DSCAML1: variants seen among roughly 807,000 people sequenced by gnomAD.
DSCAML1 encodes the protein cell adhesion molecule DSCAML1.
A neutral mutation model predicts 200.5 loss-of-function variants in DSCAML1; 38 were observed. That is an observed-to-expected ratio of 0.19 (90% CI 0.15 to 0.25). The LOEUF is 0.25. Among genes scored for constraint, DSCAML1 ranks in the 10% least tolerant of loss-of-function variants. The pLI, the probability that DSCAML1 is intolerant of heterozygous loss-of-function variation, is 1.00. For synonymous variants in DSCAML1, 1,215 were observed against 1,165.0 expected, an observed-to-expected ratio of 1.04 and a Z score of -0.87; for missense variants, 2,223 against 2,858.8, an observed-to-expected ratio of 0.78 and a Z score of 5.07.
intron 14 of DSCAML1, among the ~76,000 whole-genome samples, chr11:117,473,788 C>T (rs1237622393): frequency 6.6e-6 from 1 of 152,180 alleles, no homozygotes; most frequent in Non-Finnish European, 1.5e-5. Context: ...TATTTTAAAA[C>T]ACCCTAACCA....
chr11:117,793,039 C>A (rs1437834995), intron 1 of DSCAML1, among the ~76,000 whole-genome samples: 1 of 152,210 alleles, frequency 6.6e-6, no homozygotes, highest in African/African-American at 2.4e-5. Flanking sequence ...CTTCCCCACC[C>A]CCTTCCATGC....
intron 8 of DSCAML1, among the ~76,000 whole-genome samples, chr11:117,511,681 C>T (rs2049621300): frequency 6.6e-6 from 1 of 152,170 alleles, no homozygotes. Context: ...TCTGCTCCTC[C>T]CACTTTACTG....
At chr11:117,609,953 T>G (rs2051653838) in intron 3 of DSCAML1, among the ~76,000 whole-genome samples, 1 of 152,150 alleles carries the variant, frequency 6.6e-6, no homozygotes, top group South Asian at 2.1e-4. Context: ...CTTGCCCCTG[T>G]GCTCCTCAGA....
chr11:117,773,308 TGTGTTCCAGCTCCTGCTG>T lies in DSCAML1; in HGVS notation c.511+3465_511+3482del, dbSNP rs1427002603. On this transcript the variant is annotated intron_variant, in intron 3 of 32. Transcript: ENST00000651296. ...CCCACACCAGTCTCCCTGCTCCTTC[TGTGTTCCAGCTCCTGCTG>T]GACTTGTGGTTTGTGAAGCTGAGCC... 5.9e-5 allele frequency among the ~76,000 whole-genome samples: 9 copies of T among 152,290 alleles called. No homozygotes were observed. In the East Asian group the frequency reaches 9.7e-4, roughly 16 times the overall value.
intron 3 of DSCAML1, among the ~76,000 whole-genome samples, chr11:117,767,954 A>G (rs1280864144): frequency 6.6e-6 from 1 of 152,056 alleles, no homozygotes; most frequent in African/African-American, 2.4e-5. Context: ...ATACATGTCT[A>G]TTGCCTCCCC....
chr11:117,558,493 C>T (rs1165251633), intron 3 of DSCAML1, among the ~76,000 whole-genome samples: 3 of 152,234 alleles, frequency 2.0e-5, no homozygotes, highest in East Asian at 1.9e-4. Flanking sequence ...TGGCTGGGCA[C>T]GGTGGCTCAC....
Position 117,432,349 on chromosome 11 carries a change from T to C in DSCAML1, c.5179+3A>G. On this transcript the variant is annotated splice_donor_region_variant and intron_variant, in intron 30 of 32. Transcript: ENST00000651296. ...GGGCTGTCTCCCTGGGGATAATGCG[T>C]ACTGGTTCCTGGCCGGATGTCAGAC... 1.9e-6 allele frequency: 3 copies of C among 1,612,768 alleles called. No individual in the cohort carries two copies. Among genetic ancestry groups the C allele is most frequent in the Non-Finnish European group, 2.5e-6 (3 of 1,179,444 alleles).
At chr11:117,512,016 G>C (rs141971550) in intron 8 of DSCAML1, among the ~76,000 whole-genome samples, 275 of 152,350 alleles carry the variant, frequency 1.8e-3, no homozygotes, top group Middle Eastern at 3.4e-3. Context: ...AGCAGTCCCA[G>C]AAGGAATGGA....
At position 117,606,956 on chromosome 11, in the gene DSCAML1, C is replaced by A. The variant is rs181134600; in HGVS notation, c.512-74434G>T. On this transcript the variant is annotated intron_variant, in intron 3 of 32. Coordinates refer to ENST00000651296, the MANE Select transcript of DSCAML1 (RefSeq NM_020693.4). ...TTGAGTCAGCCAATACTTAGCCAGGCAGAGTGCTAAGCAGTGAGAATGAGG... is the reference window on the plus strand; with the variant it reads ...TTGAGTCAGCCAATACTTAGCCAGGAAGAGTGCTAAGCAGTGAGAATGAGG... 5.3e-4 allele frequency among the ~76,000 whole-genome samples: 81 copies of A among 152,314 alleles called. 1 individual carries two copies. The East Asian group carries it at 0.014, about 26-fold the overall frequency.
At chr11:117,679,227 G>A (rs1445630718) in intron 3 of DSCAML1, among the ~76,000 whole-genome samples, 1 of 152,146 alleles carries the variant, frequency 6.6e-6, no homozygotes, top group Non-Finnish European at 1.5e-5. Context: ...CAGGCTTGTG[G>A]CTTAACCATA....
intron 1 of DSCAML1, among the ~76,000 whole-genome samples, chr11:117,815,965 C>T (rs947850182): frequency 2.6e-5 from 4 of 152,020 alleles, no homozygotes; most frequent in Non-Finnish European, 5.9e-5. Flanking sequence ...GAACATAGCT[C>T]GTCCCAGTCC....
intron 3 of DSCAML1, among the ~76,000 whole-genome samples, chr11:117,748,286 T>G (rs1368671555): frequency 6.6e-6 from 1 of 152,200 alleles, no homozygotes; most frequent in Non-Finnish European, 1.5e-5. Context: ...CATGAGGGAA[T>G]CCAAGCTGCT....
At chr11:117,586,434 C>T (rs2051142610) in intron 3 of DSCAML1, among the ~76,000 whole-genome samples, 1 of 152,184 alleles carries the variant, frequency 6.6e-6, no homozygotes, top group Non-Finnish European at 1.5e-5. Flanking sequence ...ACTGGAGAGA[C>T]CAATCTGCTT....
chr11:117,714,924 GTGT>G (rs1280076007), intron 3 of DSCAML1, among the ~76,000 whole-genome samples: 1 of 150,918 alleles, frequency 6.6e-6, no homozygotes, highest in African/African-American at 2.4e-5. Context: ...AGCCGTCCAA[GTGT>G]CCTTCTATTC....
chr11:117,634,635 T>G (rs1357004168), intron 3 of DSCAML1, among the ~76,000 whole-genome samples: 1 of 152,188 alleles, frequency 6.6e-6, no homozygotes, highest in Admixed American at 6.5e-5. Context: ...TGACAGTAGC[T>G]GATCCACAGG....
At chr11:117,472,264 T>TG (rs771670553) in intron 14 of DSCAML1, among the ~76,000 whole-genome samples, 2 of 152,134 alleles carry the variant, frequency 1.3e-5, no homozygotes, top group African/African-American at 2.4e-5. Context: ...CTGGCCAGCC[T>TG]GTAAGCTCAA....
At chr11:117,701,390 A>T (rs193107409) in intron 3 of DSCAML1, among the ~76,000 whole-genome samples, 52 of 152,346 alleles carry the variant, frequency 3.4e-4, no homozygotes, top group African/African-American at 1.2e-3. Context: ...CCCAGAGAAT[A>T]AACAACCGCC....
chr11:117,674,215 G>A (rs999509835), intron 3 of DSCAML1, among the ~76,000 whole-genome samples: 6 of 152,186 alleles, frequency 3.9e-5, no homozygotes, highest in East Asian at 3.8e-4. Flanking sequence ...CTGAGCCCTG[G>A]TGTGTGCCTG....
intron 3 of DSCAML1, among the ~76,000 whole-genome samples, chr11:117,695,315 C>CTTTTT (rs753748981): frequency 8.8e-4 from 103 of 116,686 alleles, no homozygotes; most frequent in East Asian, 1.8e-3. Context: ...CTTTCTTTTT[C>CTTTTT]TTTTTTTTTT....
Sources: allele counts gnomAD v4.1 joint callset (sites outside exome capture counted in the v4.1 genomes callset), GRCh38; gene constraint gnomAD v4.1.1; transcripts MANE v1.5; gene names NCBI Gene and HGNC (gene_info 2026-07-23, HGNC 2026-07-21).